The following SLC24A2 variants were observed in gnomAD, a reference collection of about 807,000 sequenced individuals.
The protein encoded by SLC24A2 is sodium/potassium/calcium exchanger 2.
A neutral mutation model predicts 62.0 loss-of-function variants in SLC24A2; 36 were observed. That is an observed-to-expected ratio of 0.58 (90% CI 0.44 to 0.77). The LOEUF (loss-of-function observed/expected upper bound fraction) is 0.77, where lower values mean the gene tolerates loss of function less well. SLC24A2 is among the 30% of genes least tolerant of loss of function. SLC24A2 has a pLI of 0.00. For missense variants in SLC24A2, 846 were observed against 817.9 expected (o/e 1.03, Z -0.42); for synonymous variants, 358 against 294.0 (o/e 1.22, Z -2.23).
At chr9:19,881,496 G>A in the SLC24A2 span, among the ~76,000 whole-genome samples, 1 of 152,146 alleles carries the variant, frequency 6.6e-6, no homozygotes, top group African/African-American at 2.4e-5. Context: ...AATATGTAAA[G>A]GATAGTGTTA....
At chr9:19,826,419 G>C in the SLC24A2 span, among the ~76,000 whole-genome samples, 1 of 152,078 alleles carries the variant, frequency 6.6e-6, no homozygotes, top group African/African-American at 2.4e-5. Flanking sequence ...TGAGAGAATA[G>C]AGAAAGGCAA....
intron 2 of SLC24A2, among the ~76,000 whole-genome samples, chr9:19,634,325 G>C (rs1587069056): frequency 2.3e-5 from 2 of 88,218 alleles, no homozygotes; most frequent in South Asian, 8.1e-4. Flanking sequence ...TTTTGCTCTT[G>C]TTGCCCAGGC....
the SLC24A2 span, among the ~76,000 whole-genome samples, chr9:20,017,308 C>A: frequency 3.8e-4 from 58 of 152,184 alleles, no homozygotes; most frequent in Middle Eastern, 9.5e-3. Flanking sequence ...CAGGTGTGAG[C>A]CACCACGCCT....
chr9:19,826,877 C>G, the SLC24A2 span, among the ~76,000 whole-genome samples: 1 of 152,138 alleles, frequency 6.6e-6, no homozygotes, highest in South Asian at 2.1e-4. Flanking sequence ...GGAATGTGGT[C>G]TCCAGTGAAT....
At chr9:19,517,327 G>A (rs1489952645) in intron 10 of SLC24A2, among the ~76,000 whole-genome samples, 1 of 152,212 alleles carries the variant, frequency 6.6e-6, no homozygotes, top group Non-Finnish European at 1.5e-5. Flanking sequence ...TGCTTGGCTA[G>A]CTGAGCTTTC....
chr9:19,684,798 G>T (rs1472940622), intron 2 of SLC24A2, among the ~76,000 whole-genome samples: 1 of 151,954 alleles, frequency 6.6e-6, no homozygotes, highest in Non-Finnish European at 1.5e-5. Context: ...TGAGGAGAAG[G>T]ATGCCTACTC....
At chr9:20,089,479 C>G in the SLC24A2 span, among the ~76,000 whole-genome samples, 2 of 152,096 alleles carry the variant, frequency 1.3e-5, no homozygotes, top group East Asian at 3.9e-4. Context: ...ATAAAAGGCA[C>G]TACCCAGGCA....
intron 2 of SLC24A2, among the ~76,000 whole-genome samples, chr9:19,639,027 T>C (rs1268313382): frequency 6.6e-6 from 1 of 152,216 alleles, no homozygotes; most frequent in African/African-American, 2.4e-5. Context: ...AAGTCAATCA[T>C]TATCATCCCA....
At chr9:19,604,638 A>C (rs536724936) in intron 4 of SLC24A2, among the ~76,000 whole-genome samples, 1 of 152,176 alleles carries the variant, frequency 6.6e-6, no homozygotes. Context: ...AAAATGAAAA[A>C]CAAACAAACA....
At chr9:19,979,660 T>TA in the SLC24A2 span, among the ~76,000 whole-genome samples, 1 of 152,306 alleles carries the variant, frequency 6.6e-6, no homozygotes, top group African/African-American at 2.4e-5. Flanking sequence ...AGTTACTAGC[T>TA]GACTTTAGGA....
the SLC24A2 span, among the ~76,000 whole-genome samples, chr9:19,924,935 C>G: frequency 6.6e-6 from 1 of 152,178 alleles, no homozygotes. Context: ...TCTGACTGTT[C>G]TAGGCTCAGT....
chr9:19,545,564 T>C (rs1056543537), intron 8 of SLC24A2, among the ~76,000 whole-genome samples: 1 of 152,186 alleles, frequency 6.6e-6, no homozygotes, highest in African/African-American at 2.4e-5. Context: ...AGTGAATTTA[T>C]CTACCGTCGG....
At chr9:19,815,618 C>T in the SLC24A2 span, among the ~76,000 whole-genome samples, 2 of 152,060 alleles carry the variant, frequency 1.3e-5, no homozygotes, top group Non-Finnish European at 2.9e-5. Context: ...TAGAAAAATG[C>T]GTTATGCACA....
the SLC24A2 span, among the ~76,000 whole-genome samples, chr9:20,044,721 C>T: frequency 1.3e-5 from 2 of 152,276 alleles, no homozygotes; most frequent in African/African-American, 4.8e-5. Flanking sequence ...TTTTCTGCTA[C>T]AGTGTTAGAA....
chr9:20,055,308 G>A, the SLC24A2 span, among the ~76,000 whole-genome samples: 17 of 152,200 alleles, frequency 1.1e-4, no homozygotes, highest in South Asian at 3.5e-3. Flanking sequence ...AGGCAAAATT[G>A]AAGAAAAATA....
the SLC24A2 span, among the ~76,000 whole-genome samples, chr9:19,951,207 T>G: frequency 6.6e-6 from 1 of 151,262 alleles, no homozygotes; most frequent in African/African-American, 2.4e-5. Context: ...TTTAAGATTG[T>G]ATTGTTGTTT....
At chr9:19,801,524 G>A in the SLC24A2 span, among the ~76,000 whole-genome samples, 1 of 152,218 alleles carries the variant, frequency 6.6e-6, no homozygotes, top group African/African-American at 2.4e-5. Context: ...TGAAAACAGA[G>A]CTCCCATACA....
chr9:19,716,955 C>A (rs1166779950), intron 2 of SLC24A2, among the ~76,000 whole-genome samples: 1 of 152,178 alleles, frequency 6.6e-6, no homozygotes, highest in Non-Finnish European at 1.5e-5. Flanking sequence ...CTTTACAACA[C>A]ACATTCATTG....
the SLC24A2 span, among the ~76,000 whole-genome samples, chr9:19,920,798 T>C: frequency 6.6e-6 from 1 of 152,150 alleles, no homozygotes; most frequent in East Asian, 1.9e-4. Flanking sequence ...CTATACAACC[T>C]ACATGACGTG....
Sources: gnomAD v4.1 joint callset for allele counts (sites outside exome capture counted in the v4.1 genomes callset) on GRCh38, gnomAD v4.1.1 for gene constraint, MANE v1.5 for transcripts, NCBI Gene and HGNC (gene_info 2026-07-23, HGNC 2026-07-21) for gene names.